Variants in NEDD4L observed in about 807,000 individuals in gnomAD.
The protein encoded by NEDD4L is NEDD4 like E3 ubiquitin protein ligase.
In NEDD4L, 54 loss-of-function variants were observed where a neutral mutation model predicts 148.9. The observed-to-expected ratio is 0.36, with a 90% CI of 0.29 to 0.45. The LOEUF (loss-of-function observed/expected upper bound fraction) is 0.45, where lower values mean the gene tolerates loss of function less well. NEDD4L is among the 20% of genes least tolerant of loss of function. The probability of loss-of-function intolerance (pLI) is 1.00; values close to 1 mark genes in which losing one functional copy is unlikely to be tolerated. For missense variants in NEDD4L, 856 were observed against 1,233.8 expected (o/e 0.69, Z 4.59); for synonymous variants, 433 against 440.7 (o/e 0.98, Z 0.22).
rs1209581955 is a variant in NEDD4L at position 58,396,244 on chromosome 18, C to T, written c.2903C>T (p.Ala968Val). The change falls in exon 31 of 31, where the codon GCT (alanine) becomes GTT (valine). Residue 968 changes from alanine (A) to valine (V), a missense_variant. Transcript: ENST00000400345. ...AAACTTCTCATGGCCGTGGAAAATGCTCAAGGATTTGAAGGGGTGGATTAA... is the reference window on the plus strand; with the variant it reads ...AAACTTCTCATGGCCGTGGAAAATGTTCAAGGATTTGAAGGGGTGGATTAA... ...REKLLMAVEN[A>V]QGFEGVD 1 of 1,612,970 alleles carries T rather than the reference C, an allele frequency of 6.2e-7. No individual in the cohort carries two copies. The highest frequency in any genetic ancestry group is 2.2e-5 in the East Asian group (1 of 44,872).
intron 2 of NEDD4L, among the ~76,000 whole-genome samples, chr18:58,237,926 G>A (rs1429996039): frequency 2.0e-5 from 3 of 152,230 alleles, no homozygotes; most frequent in African/African-American, 7.2e-5. Flanking sequence ...CAAGACTCGA[G>A]TGGCTGGGAA....
chr18:58,235,215 A>T (rs1384305124), intron 2 of NEDD4L, among the ~76,000 whole-genome samples: 1 of 152,048 alleles, frequency 6.6e-6, no homozygotes. Context: ...TCCACCATTC[A>T]ATTTACTGTC....
chr18:58,252,165 C>G (rs1319357918), intron 5 of NEDD4L, 111 bp downstream of exon 5: 1 of 723,906 alleles, frequency 1.4e-6, no homozygotes, highest in African/African-American at 1.8e-5. Context: ...GTATATGTGC[C>G]CAAAAAGAAG....
chr18:58,085,268 G>A lies in NEDD4L; in HGVS notation c.48+40560G>A, dbSNP rs924113165. Among the ~76,000 whole-genome samples, 8 of 151,926 alleles carry A rather than the reference G, an allele frequency of 5.3e-5. No individual in the cohort carries two copies. In the East Asian group the frequency reaches 5.8e-4, roughly 11 times the overall value. On this transcript the variant is annotated intron_variant, in intron 1 of 30. Coordinates refer to ENST00000400345, the MANE Select transcript of NEDD4L (RefSeq NM_001144967.3). ...AGTGGAGATGCATCGGTAAAGATGC[G>A]CGGACCACAGATGTGACGCAGCAGG...
At chr18:58,236,889 G>C (rs2046093878) in intron 2 of NEDD4L, among the ~76,000 whole-genome samples, 1 of 152,072 alleles carries the variant, frequency 6.6e-6, no homozygotes, top group South Asian at 2.1e-4. Flanking sequence ...CCGGCATGGT[G>C]GCGCATGACT....
At chr18:58,283,031 G>A (rs915077170) in intron 5 of NEDD4L, among the ~76,000 whole-genome samples, 3 of 152,230 alleles carry the variant, frequency 2.0e-5, no homozygotes, top group South Asian at 2.1e-4. Context: ...TGAAAGGAAC[G>A]TGATAAATTG....
chr18:58,140,541 G>T (rs1204239498), intron 1 of NEDD4L, among the ~76,000 whole-genome samples: 1 of 150,470 alleles, frequency 6.6e-6, no homozygotes, highest in Admixed American at 6.6e-5. Flanking sequence ...GAAATACATA[G>T]TGTGTCCCCT....
chr18:58,356,119 ATT>A (rs760239489), intron 18 of NEDD4L, among the ~76,000 whole-genome samples: 2 of 146,788 alleles, frequency 1.4e-5, no homozygotes, highest in Non-Finnish European at 3.0e-5. Context: ...CACCTGGCTA[ATT>A]TTTTTTTTTA....
intron 1 of NEDD4L, among the ~76,000 whole-genome samples, chr18:58,110,948 TA>T (rs2085381079): frequency 6.6e-6 from 1 of 152,230 alleles, no homozygotes; most frequent in Non-Finnish European, 1.5e-5. Flanking sequence ...CACGCTTTCT[TA>T]AAAAAGCAGC....
chr18:58,174,452 C>T (rs879379745), intron 2 of NEDD4L, among the ~76,000 whole-genome samples: 2 of 152,112 alleles, frequency 1.3e-5, no homozygotes, highest in Non-Finnish European at 2.9e-5. Context: ...TCACCGGGGA[C>T]CCGCCCCTAT....
chr18:58,175,632 C>T lies in NEDD4L; in HGVS notation c.122+9771C>T, dbSNP rs114389748. Reference sequence around the variant, plus strand: ...CCAAAAAGTGTTTGTCTTAAAATCCCTGCACCAAATAGCTTGTGCAATTAC... The same window carrying T: ...CCAAAAAGTGTTTGTCTTAAAATCCTTGCACCAAATAGCTTGTGCAATTAC... On this transcript the variant is annotated intron_variant, in intron 2 of 30. Coordinates refer to ENST00000400345, the MANE Select transcript of NEDD4L (RefSeq NM_001144967.3). Among the ~76,000 whole-genome samples the T allele has an allele frequency of 4.8e-3, 737 of 152,350 alleles. 5 individuals carry two copies. Among genetic ancestry groups the T allele is most frequent in the African/African-American group, 0.016 (680 of 41,580 alleles).
intron 1 of NEDD4L, among the ~76,000 whole-genome samples, chr18:58,069,871 C>G (rs148399950): frequency 2.6e-3 from 392 of 152,292 alleles, no homozygotes; most frequent in African/African-American, 8.8e-3. Flanking sequence ...GAACAGTGAA[C>G]CTTGTGTTTT....
At chr18:58,229,327 G>T (rs1393079029) in intron 2 of NEDD4L, among the ~76,000 whole-genome samples, 1 of 152,126 alleles carries the variant, frequency 6.6e-6, no homozygotes, top group East Asian at 1.9e-4. Flanking sequence ...CTGCAGGTAG[G>T]CATGCTCCCG....
intron 5 of NEDD4L, among the ~76,000 whole-genome samples, chr18:58,270,883 G>A (rs1271726866): frequency 1.3e-5 from 2 of 151,868 alleles, no homozygotes; most frequent in Non-Finnish European, 2.9e-5. Flanking sequence ...TGAGGACTTA[G>A]GGTAGTTACC....
chr18:58,136,416 C>A (rs879933329), intron 1 of NEDD4L, among the ~76,000 whole-genome samples: 1 of 152,146 alleles, frequency 6.6e-6, no homozygotes, highest in African/African-American at 2.4e-5. Context: ...CCTTCTCTCC[C>A]CAGTGTTGGG....
chr18:58,331,893 G>A (rs936162580), intron 11 of NEDD4L, among the ~76,000 whole-genome samples: 1 of 152,174 alleles, frequency 6.6e-6, no homozygotes, highest in African/African-American at 2.4e-5. Context: ...TCTATTACAT[G>A]AGTTGCATTT....
chr18:58,256,384 G>A lies in NEDD4L; in HGVS notation c.297+4330G>A. ...GGTGTTTTGTCTTCCAGTTGCAGCA[G>A]CCCCAACAAGGCGCTTCGGGGCCAG... is the stretch of plus-strand genomic sequence containing the variant. On this transcript the variant is annotated intron_variant, in intron 5 of 30. Transcript: ENST00000400345. This position sits in a 1 kb window ranked among gnomAD's most constrained non-coding sequence, Gnocchi z 5.2. The A allele has an allele frequency of 8.1e-7, 1 of 1,232,338 alleles. No homozygotes were observed. The allele number at this position is 1,232,338 out of a possible 1,614,324, so 76.3% of individuals were successfully genotyped here.
At chr18:58,107,881 A>T (rs962109034) in intron 1 of NEDD4L, among the ~76,000 whole-genome samples, 3 of 149,898 alleles carry the variant, frequency 2.0e-5, no homozygotes, top group African/African-American at 4.9e-5. Context: ...TGCCCAGCTA[A>T]TTTTTTTTTT....
At chr18:58,292,811 A>G (rs544032370) in intron 5 of NEDD4L, among the ~76,000 whole-genome samples, 5 of 152,318 alleles carry the variant, frequency 3.3e-5, no homozygotes, top group Admixed American at 6.5e-5. Flanking sequence ...TGAAATGTTG[A>G]TATTCTGTGG....
Sources: allele counts gnomAD v4.1 joint callset (sites outside exome capture counted in the v4.1 genomes callset), GRCh38; gene constraint gnomAD v4.1.1; non-coding constraint Gnocchi (gnomAD v3.1); transcripts MANE v1.5; gene names NCBI Gene and HGNC (gene_info 2026-07-23, HGNC 2026-07-21).